UNC79: variants seen among roughly 807,000 people sequenced by gnomAD.
The protein encoded by UNC79 is protein unc-79 homolog.
UNC79 carries 37 observed loss-of-function variants against 283.1 expected under a neutral mutation model. That is an observed-to-expected ratio of 0.13 (90% CI 0.10 to 0.17). The LOEUF (loss-of-function observed/expected upper bound fraction) is 0.17, where lower values mean the gene tolerates loss of function less well. Ranked by LOEUF, UNC79 falls within the 10% of genes least tolerant of loss-of-function variation. UNC79 has a pLI of 1.00. For synonymous variants in UNC79, 1,107 were observed against 1,200.2 expected (o/e 0.92, Z 1.61); for missense variants, 2,272 against 3,211.1 (o/e 0.71, Z 7.07).
chr14:93,660,563 A>ATATGTG (rs1203621990), intron 39 of UNC79, among the ~76,000 whole-genome samples: 63 of 64,754 alleles, frequency 9.7e-4, no homozygotes, highest in Non-Finnish European at 1.3e-3. Flanking sequence ...ATATATATAT[A>ATATGTG]TGTGTGTGTG....
chr14:93,405,472 T>C (rs2055207873), intron 1 of UNC79, among the ~76,000 whole-genome samples: 1 of 152,004 alleles, frequency 6.6e-6, no homozygotes, highest in South Asian at 2.1e-4. Flanking sequence ...TAACAAAATA[T>C]AAAAAATTTC....
At chr14:93,544,434 G>C (rs1030671764) in intron 14 of UNC79, among the ~76,000 whole-genome samples, 4 of 152,132 alleles carry the variant, frequency 2.6e-5, no homozygotes, top group Non-Finnish European at 4.4e-5. Flanking sequence ...ACTCCCTTTC[G>C]GGGGGGTTAA....
intron 7 of UNC79, among the ~76,000 whole-genome samples, chr14:93,501,128 C>T (rs1336938279): frequency 1.3e-5 from 2 of 151,798 alleles, no homozygotes; most frequent in Non-Finnish European, 2.9e-5. Context: ...AGTTGGAGAC[C>T]AGCCTGGCCA....
At chr14:93,407,279 C>A (rs1256433782) in intron 1 of UNC79, among the ~76,000 whole-genome samples, 4 of 152,176 alleles carry the variant, frequency 2.6e-5, no homozygotes, top group African/African-American at 9.7e-5. Flanking sequence ...CACAACTCCC[C>A]AAACTAGAGA....
intron 1 of UNC79, among the ~76,000 whole-genome samples, chr14:93,385,090 T>A (rs12433387): frequency 2.0e-5 from 3 of 152,020 alleles, no homozygotes; most frequent in Non-Finnish European, 1.5e-5. Flanking sequence ...TATAGCTCTG[T>A]AGTGTATAAG....
At chr14:93,425,590 G>A (rs986002506), upstream of UNC79, among the ~76,000 whole-genome samples, 12 of 152,116 alleles carry the variant, frequency 7.9e-5, no homozygotes, top group African/African-American at 1.2e-4. Flanking sequence ...ACATAAAAAA[G>A]TTGATTTATG....
At chr14:93,545,688 T>C (rs995321459) in intron 14 of UNC79, among the ~76,000 whole-genome samples, 2 of 152,202 alleles carry the variant, frequency 1.3e-5, no homozygotes, top group Non-Finnish European at 2.9e-5. Context: ...AATTCACAAA[T>C]ATGACATTCT....
intron 1 of UNC79, among the ~76,000 whole-genome samples, chr14:93,460,117 A>G (rs1304591825): frequency 1.6e-5 from 2 of 126,712 alleles, no homozygotes; most frequent in Non-Finnish European, 3.3e-5. Flanking sequence ...TCACAAGGTT[A>G]GGAGATTGAG....
At chr14:93,382,094 A>G (rs2054676191) in intron 1 of UNC79, among the ~76,000 whole-genome samples, 1 of 152,198 alleles carries the variant, frequency 6.6e-6, no homozygotes, top group Non-Finnish European at 1.5e-5. Context: ...TTCAGAATTC[A>G]GTGTCTGTAT....
At chr14:93,581,175 T>TTTA (rs1306138848) in intron 19 of UNC79, among the ~76,000 whole-genome samples, 1 of 151,906 alleles carries the variant, frequency 6.6e-6, no homozygotes, top group Non-Finnish European at 1.5e-5. Flanking sequence ...AAAAAAATTA[T>TTTA]TTATTATTAT....
intron 23 of UNC79, among the ~76,000 whole-genome samples, chr14:93,596,491 T>A (rs1471414655): frequency 6.6e-6 from 1 of 152,066 alleles, no homozygotes; most frequent in East Asian, 1.9e-4. Flanking sequence ...TAAAGTTAGC[T>A]GGGCATGGTG....
intron 4 of UNC79, 104 bp downstream of exon 4, chr14:93,477,832 A>C: frequency 4.6e-6 from 5 of 1,076,688 alleles, no homozygotes; most frequent in Non-Finnish European, 6.7e-6. Context: ...TAATGGAATC[A>C]CTTGATATAT....
intron 48 of UNC79, 106 bp from the exon 52 acceptor site, chr14:93,706,598 C>A: frequency 7.6e-7 from 1 of 1,323,072 alleles, no homozygotes; most frequent in Non-Finnish European, 1.1e-6. Context: ...GCCAGACAAC[C>A]CTTGAGCCAA....
chr14:93,700,109 C>A (rs1447376657), intron 47 of UNC79, among the ~76,000 whole-genome samples: 4 of 145,332 alleles, frequency 2.8e-5, no homozygotes, highest in Non-Finnish European at 6.0e-5. Flanking sequence ...AGATATTGCT[C>A]CTCCATTGTC....
intron 7 of UNC79, among the ~76,000 whole-genome samples, chr14:93,514,918 G>GT (rs2059986229): frequency 6.6e-6 from 1 of 152,150 alleles, no homozygotes; most frequent in Non-Finnish European, 1.5e-5. Flanking sequence ...TATTATGGTT[G>GT]TAACTGGAAG....
intron 35 of UNC79, among the ~76,000 whole-genome samples, chr14:93,652,565 TGA>T (rs2140327828): frequency 6.6e-6 from 1 of 152,360 alleles, no homozygotes; most frequent in East Asian, 1.9e-4. Context: ...TGGCCCAGTC[TGA>T]GTTTTTGTCA....
At chr14:93,572,052 T>A (rs2063233469) in exon 15 of UNC79, 1 of 1,614,028 alleles carries the variant, frequency 6.2e-7, no homozygotes, top group African/African-American at 1.3e-5. Flanking sequence ...AAGTCCCAGA[T>A]AATCAGTTAA....
chr14:93,356,807 T>C (rs2054094613), intron 1 of UNC79, among the ~76,000 whole-genome samples: 1 of 152,222 alleles, frequency 6.6e-6, no homozygotes, highest in African/African-American at 2.4e-5. Flanking sequence ...TCTCTTTATA[T>C]AAGGTGAATG....
chr14:93,560,387 G>A (rs548864635), intron 14 of UNC79, among the ~76,000 whole-genome samples: 4 of 152,240 alleles, frequency 2.6e-5, no homozygotes, highest in African/African-American at 9.6e-5. Context: ...CAAGGCCTCG[G>A]CAGTTTTGGA....
Sources: gnomAD v4.1 joint callset for allele counts (sites outside exome capture counted in the v4.1 genomes callset) on GRCh38, gnomAD v4.1.1 for gene constraint, MANE v1.5 for transcripts, NCBI Gene and HGNC (gene_info 2026-07-23, HGNC 2026-07-21) for gene names.